Variants in NSL1 observed in about 807,000 individuals in gnomAD.
NSL1 encodes the protein NSL1 component of MIS12 kinetochore complex.
Under a neutral mutation model 25.4 loss-of-function variants are expected in NSL1, and 11 were observed. That is an observed-to-expected ratio of 0.43 (90% CI 0.27 to 0.72). NSL1 has a LOEUF of 0.72. NSL1 is among the 30% of genes least tolerant of loss of function. NSL1 has a pLI of 0.19. For synonymous variants in NSL1, 118 were observed against 120.6 expected (o/e 0.98, Z 0.14); for missense variants, 330 against 342.7 (o/e 0.96, Z 0.29).
At chr1:212,764,307 T>C (rs1187290098) in intron 4 of NSL1, among the ~76,000 whole-genome samples, 1 of 152,222 alleles carries the variant, frequency 6.6e-6, no homozygotes, top group Non-Finnish European at 1.5e-5. Context: ...CAGTGTTAAA[T>C]GTCTACATCA....
In NSL1 at chr1:212,727,385, A is replaced by C. The variant is rs962069598; in HGVS notation, c.*11023T>G. 4.9e-5 allele frequency: 48 copies of C among 985,280 alleles called. No homozygotes were observed. The African/African-American group carries it at 7.7e-4, about 16-fold the overall frequency. 61.0% of individuals were successfully genotyped at this position (985,280 alleles called of 1,614,324 possible). On this transcript the variant is annotated 3_prime_UTR_variant, in exon 6 of 6. Coordinates refer to ENST00000366977, the MANE Select transcript of NSL1 (RefSeq NM_015471.4). ...GGAAGGTCACTTAACCAGGGAAATAAGTATCAGTCAAGTTAATGTTTCCAA... is the reference window on the plus strand; with the variant it reads ...GGAAGGTCACTTAACCAGGGAAATACGTATCAGTCAAGTTAATGTTTCCAA...
At position 212,729,918 on chromosome 1, in the gene NSL1, T is replaced by G; in HGVS notation, c.*8490A>C. 1 of 985,012 alleles carries G rather than the reference T, an allele frequency of 1.0e-6. No homozygotes were observed. 61.0% of individuals were successfully genotyped at this position (985,012 alleles called of 1,614,324 possible). A position where few individuals can be genotyped will look rare whatever the true frequency, so the allele number is the denominator to read the frequency against. On this transcript the variant is annotated 3_prime_UTR_variant, in exon 6 of 6. Transcript: ENST00000366977. ...AGGGGGCAGGTAACCAGAAGCTGCCTTGTGGAGGAACTAAACCTCCGGAAG... is the reference window on the plus strand; with the variant it reads ...AGGGGGCAGGTAACCAGAAGCTGCCGTGTGGAGGAACTAAACCTCCGGAAG...
chr1:212,753,225 G>A (rs1342788093), intron 4 of NSL1, among the ~76,000 whole-genome samples: 1 of 152,186 alleles, frequency 6.6e-6, no homozygotes. Flanking sequence ...CCTCTCTTAA[G>A]GCACACTTTC....
At chr1:212,740,669 A>G (rs893930847) in intron 4 of NSL1, among the ~76,000 whole-genome samples, 18 of 152,166 alleles carry the variant, frequency 1.2e-4, no homozygotes, top group African/African-American at 4.3e-4. Context: ...ATCACCCTAG[A>G]AAGTTCTCTT....
At chr1:212,764,816 A>G (rs2102457884) in intron 4 of NSL1, among the ~76,000 whole-genome samples, 1 of 129,138 alleles carries the variant, frequency 7.7e-6, no homozygotes, top group African/African-American at 2.9e-5. Context: ...ACTGCACTCC[A>G]GCCTGGGTGA....
intron 4 of NSL1, among the ~76,000 whole-genome samples, chr1:212,745,511 C>T (rs967677344): frequency 1.3e-4 from 20 of 152,106 alleles, no homozygotes; most frequent in Admixed American, 5.2e-4. Context: ...ATCAGATTAA[C>T]AGCCAATGTC....
At chr1:212,759,192 G>C (rs1433498472) in intron 4 of NSL1, among the ~76,000 whole-genome samples, 2 of 152,034 alleles carry the variant, frequency 1.3e-5, no homozygotes, top group Non-Finnish European at 2.9e-5. Context: ...AAAAAAAATA[G>C]GTAAATTAGA....
chr1:212,791,467 C>T (rs1239220369), intron 1 of NSL1, 63 bp downstream of exon 1: 2 of 1,442,572 alleles, frequency 1.4e-6, no homozygotes, highest in South Asian at 1.2e-5. Flanking sequence ...CTTTCTGAAT[C>T]CTAAGATCCT....
At chr1:212,788,084 C>T (rs12741704) in intron 1 of NSL1, among the ~76,000 whole-genome samples, 61,234 of 152,036 alleles carry the variant, frequency 0.4, 13,976 homozygotes, top group Non-Finnish European at 0.51. Flanking sequence ...ACTTATGTAG[C>T]GATGAAATGA....
At chr1:212,776,914 G>C (rs1660400415) in intron 4 of NSL1, among the ~76,000 whole-genome samples, 2 of 151,838 alleles carry the variant, frequency 1.3e-5, no homozygotes, top group Admixed American at 6.6e-5. Flanking sequence ...AATGAATTAA[G>C]TGCTCAATTC....
rs1011139416 is a variant in NSL1 at position 212,727,025 on chromosome 1, C to T, written c.*11383G>A. ...GCCCTCCAGTCCAGTCTACTCCGGC[C>T]TTGGAGATGACTGCCGAGAGAGGGA... On this transcript the variant is annotated 3_prime_UTR_variant, in exon 6 of 6. Transcript: ENST00000366977. The T allele has an allele frequency of 1.5e-6, 2 of 1,361,404 alleles. No homozygotes were observed. Among genetic ancestry groups the T allele is most frequent in the Admixed American group, 4.3e-5 (2 of 46,306 alleles). The allele number at this position is 1,361,404 out of a possible 1,614,324, so 84.3% of individuals were successfully genotyped here.
intron 4 of NSL1, among the ~76,000 whole-genome samples, chr1:212,753,685 A>T (rs1317375902): frequency 6.6e-6 from 1 of 152,194 alleles, no homozygotes; most frequent in Non-Finnish European, 1.5e-5. Context: ...ACAGTCACTC[A>T]TGATGTATTT....
chr1:212,740,326 A>T (rs1457567943), intron 4 of NSL1, among the ~76,000 whole-genome samples: 1 of 152,204 alleles, frequency 6.6e-6, no homozygotes, highest in Non-Finnish European at 1.5e-5. Context: ...TTTCTTTCAT[A>T]ACTGCTATTT....
intron 4 of NSL1, among the ~76,000 whole-genome samples, chr1:212,778,198 G>A (rs906645920): frequency 1.3e-5 from 2 of 152,202 alleles, no homozygotes; most frequent in Non-Finnish European, 2.9e-5. Context: ...AAAGGAACCA[G>A]TTAGGGGGCA....
At chr1:212,774,780 A>G (rs1442788707) in intron 4 of NSL1, among the ~76,000 whole-genome samples, 5 of 152,220 alleles carry the variant, frequency 3.3e-5, no homozygotes, top group Admixed American at 1.3e-4. Flanking sequence ...GTTCCTCAAA[A>G]GCTACATAAA....
chr1:212,785,908 C>T (rs1047857757), intron 2 of NSL1, among the ~76,000 whole-genome samples: 2 of 152,228 alleles, frequency 1.3e-5, no homozygotes, highest in Middle Eastern at 3.4e-3. Context: ...TGATATGTTT[C>T]GGTATATACA....
chr1:212,786,426 AAAAAG>A (rs1248098778), intron 2 of NSL1, among the ~76,000 whole-genome samples: 4 of 152,138 alleles, frequency 2.6e-5, no homozygotes, highest in Middle Eastern at 3.2e-3. Flanking sequence ...TAAAAAAAAA[AAAAAG>A]AAAAGTCTCC....
At position 212,726,382 on chromosome 1, in the gene NSL1, A is replaced by AT. The variant is rs1558030148; in HGVS notation, c.*12025dup. 1 of 152,290 alleles carries AT rather than the reference A, an allele frequency of 6.6e-6. No individual in the cohort carries two copies. Among genetic ancestry groups the AT allele is most frequent in the Admixed American group, 6.5e-5 (1 of 15,278 alleles). The allele number at this position is 152,290 out of a possible 1,614,324, so 9.4% of individuals were successfully genotyped here. ...TCAGAAAATCCAGTTCAAGCCAATT[A>AT]TTCAAACAGTTTTTGGGAGGTAACA... On this transcript the variant is annotated 3_prime_UTR_variant, in exon 6 of 6. Transcript: ENST00000366977.
chr1:212,737,357 G>C lies in NSL1; in HGVS notation c.*1051C>G. 8.1e-6 allele frequency: 8 copies of C among 984,666 alleles called. No individual in the cohort carries two copies. The highest frequency in any genetic ancestry group is 9.6e-6 in the Non-Finnish European group (8 of 829,300). The allele number at this position is 984,666 out of a possible 1,614,324, so 61.0% of individuals were successfully genotyped here. On this transcript the variant is annotated 3_prime_UTR_variant, in exon 6 of 6. Transcript: ENST00000366977. Reference sequence around the variant, plus strand: ...ATACATAATAAGCAAGAGAAATACAGATTTTCCAACCTCATGATCAGTAAA... The same window carrying C: ...ATACATAATAAGCAAGAGAAATACACATTTTCCAACCTCATGATCAGTAAA...
Sources: gnomAD v4.1 joint callset for allele counts (sites outside exome capture counted in the v4.1 genomes callset) on GRCh38, gnomAD v4.1.1 for gene constraint, MANE v1.5 for transcripts, NCBI Gene and HGNC (gene_info 2026-07-23, HGNC 2026-07-21) for gene names.